The following ROBO2 variants were observed in gnomAD, a reference collection of about 807,000 sequenced individuals.
The protein encoded by ROBO2 is roundabout guidance receptor 2, also known as roundabout homolog 2.
A neutral mutation model predicts 160.8 loss-of-function variants in ROBO2; 53 were observed. The observed-to-expected ratio is 0.33, with a 90% CI of 0.26 to 0.41. ROBO2 has a LOEUF of 0.41. ROBO2 is among the 10% of genes least tolerant of loss of function. ROBO2 has a pLI of 1.00. For missense variants in ROBO2, 1,577 were observed against 1,722.4 expected (o/e 0.92, Z 1.49); for synonymous variants, 664 against 611.7 (o/e 1.09, Z -1.26).
chr3:77,218,258 T>C (rs968106509), intron 2 of ROBO2, among the ~76,000 whole-genome samples: 4 of 152,206 alleles, frequency 2.6e-5, no homozygotes, highest in Non-Finnish European at 5.9e-5. Context: ...ATTTCTTTAA[T>C]ATGCCAACCT....
chr3:76,770,428 T>C (rs1405083975), intron 2 of ROBO2, among the ~76,000 whole-genome samples: 1 of 151,302 alleles, frequency 6.6e-6, no homozygotes, highest in Non-Finnish European at 1.5e-5. Flanking sequence ...TACAAATTTA[T>C]GAGAAAGAAA....
At chr3:76,885,372 A>C (rs1173634127) in intron 2 of ROBO2, among the ~76,000 whole-genome samples, 2 of 152,214 alleles carry the variant, frequency 1.3e-5, no homozygotes, top group African/African-American at 2.4e-5. Context: ...TGCAAAAGCC[A>C]CTTCAGGTTG....
intron 2 of ROBO2, among the ~76,000 whole-genome samples, chr3:76,394,831 G>C (rs61616771): frequency 0.19 from 28,196 of 151,520 alleles, 3,073 homozygotes; most frequent in African/African-American, 0.3. Context: ...TAAAGCAAGT[G>C]CTTAGAGACC....
chr3:76,599,735 AGCCAT>A (rs1478818940), intron 2 of ROBO2, among the ~76,000 whole-genome samples: 2 of 152,122 alleles, frequency 1.3e-5, no homozygotes, highest in African/African-American at 4.8e-5. Flanking sequence ...TTTCAGTAAC[AGCCAT>A]TCTGACTGGT....
intron 1 of ROBO2, among the ~76,000 whole-genome samples, chr3:75,909,900 C>T (rs1202756147): frequency 6.6e-6 from 1 of 152,154 alleles, no homozygotes; most frequent in Non-Finnish European, 1.5e-5. Flanking sequence ...ATTCTACAGA[C>T]ATTCCTGAGC....
chr3:76,443,981 T>G, intron 2 of ROBO2, among the ~76,000 whole-genome samples: 1 of 152,106 alleles, frequency 6.6e-6, no homozygotes, highest in Admixed American at 6.6e-5. Context: ...ATTATTATTA[T>G]TATTGATGGA....
intron 1 of ROBO2, among the ~76,000 whole-genome samples, chr3:75,929,460 C>G (rs558935525): frequency 6.6e-6 from 1 of 152,254 alleles, no homozygotes; most frequent in South Asian, 2.1e-4. Context: ...TTGCTTGATA[C>G]CAAAGTACAA....
intron 2 of ROBO2, among the ~76,000 whole-genome samples, chr3:76,015,041 G>A (rs1037321719): frequency 3.3e-5 from 5 of 152,140 alleles, no homozygotes; most frequent in African/African-American, 9.7e-5. Context: ...GTATCATTCT[G>A]TGTATTCATA....
At chr3:77,029,942 AT>A (rs1230408606) in intron 2 of ROBO2, among the ~76,000 whole-genome samples, 11 of 151,188 alleles carry the variant, frequency 7.3e-5, no homozygotes, top group African/African-American at 2.7e-4. Flanking sequence ...TAAAAATGCC[AT>A]TCAGTTCTTT....
chr3:76,783,506 GTTTC>G (rs2062785563), intron 2 of ROBO2, among the ~76,000 whole-genome samples: 1 of 144,098 alleles, frequency 6.9e-6, no homozygotes, highest in African/African-American at 2.5e-5. Flanking sequence ...TTGTTTGGTA[GTTTC>G]TTTCTTTTTT....
chr3:77,157,483 C>T (rs573508318), intron 2 of ROBO2, among the ~76,000 whole-genome samples: 2 of 152,026 alleles, frequency 1.3e-5, no homozygotes, highest in Non-Finnish European at 2.9e-5. Flanking sequence ...AGTTTATGCT[C>T]GGGGAATTCT....
At chr3:77,030,793 A>T (rs907748059) in intron 2 of ROBO2, among the ~76,000 whole-genome samples, 1 of 152,162 alleles carries the variant, frequency 6.6e-6, no homozygotes, top group African/African-American at 2.4e-5. Flanking sequence ...GCTCATTCTA[A>T]TCCAGTATGA....
At chr3:76,485,907 C>G (rs1280446845) in intron 2 of ROBO2, among the ~76,000 whole-genome samples, 1 of 152,082 alleles carries the variant, frequency 6.6e-6, no homozygotes, top group Admixed American at 6.6e-5. Flanking sequence ...ATTCTAAACT[C>G]CAGAAACTCT....
Position 77,065,845 on chromosome 3 carries a change from C to G in ROBO2, c.61+24999C>G, listed in dbSNP as rs562391888. On this transcript the variant is annotated intron_variant, in intron 1 of 25. Coordinates refer to ENST00000461745, the Ensembl canonical transcript of ROBO2. The stretch of plus-strand genomic sequence containing the variant: ...GTCAGAGTTCAAATTAAGCCTCAGT[C>G]CTAAGTAAATTGAGATGAATGGTTT... Among the ~76,000 whole-genome samples, 28 of 152,134 alleles carry G rather than the reference C, an allele frequency of 1.8e-4. 1 individual carries two copies. The South Asian group carries it at 5.4e-3, about 29-fold the overall frequency.
At chr3:76,935,714 G>C (rs1349373251) in intron 2 of ROBO2, among the ~76,000 whole-genome samples, 1 of 152,190 alleles carries the variant, frequency 6.6e-6, no homozygotes, top group Non-Finnish European at 1.5e-5. Context: ...TTCTGCCATA[G>C]TGAAAGTGTA....
chr3:76,450,441 A>AT (rs1344783121), intron 2 of ROBO2, among the ~76,000 whole-genome samples: 2 of 152,158 alleles, frequency 1.3e-5, no homozygotes, highest in African/African-American at 4.8e-5. Context: ...AAAGTAAAAT[A>AT]TTTTTAAATC....
At chr3:75,934,081 T>A (rs1947661769) in intron 1 of ROBO2, among the ~76,000 whole-genome samples, 1 of 152,166 alleles carries the variant, frequency 6.6e-6, no homozygotes, top group Non-Finnish European at 1.5e-5. Context: ...CGAGAAGTAA[T>A]ACGCGAACAT....
intron 2 of ROBO2, among the ~76,000 whole-genome samples, chr3:76,061,450 T>A (rs764919060): frequency 6.6e-6 from 1 of 152,232 alleles, no homozygotes; most frequent in Non-Finnish European, 1.5e-5. Context: ...TTGTTCATTC[T>A]GTAACTAAAG....
chr3:77,530,555 A>G (rs980940655), intron 6 of ROBO2, among the ~76,000 whole-genome samples: 1 of 151,998 alleles, frequency 6.6e-6, no homozygotes, highest in African/African-American at 2.4e-5. Flanking sequence ...TGTGGGAGGT[A>G]TTACTGAAAG....
Sources: gnomAD v4.1 joint callset for allele counts (sites outside exome capture counted in the v4.1 genomes callset) on GRCh38, gnomAD v4.1.1 for gene constraint, MANE v1.5 for transcripts, NCBI Gene and HGNC (gene_info 2026-07-23, HGNC 2026-07-21) for gene names.